The following CDYL2 variants were observed in gnomAD, a reference collection of about 807,000 sequenced individuals.
CDYL2 encodes chromodomain Y like 2.
A neutral mutation model predicts 49.4 loss-of-function variants in CDYL2; 23 were observed. The ratio of observed to expected loss-of-function variants is 0.47; its 90% CI spans 0.34 to 0.66. CDYL2 has a LOEUF of 0.66. CDYL2 is among the 30% of genes least tolerant of loss of function. CDYL2 has a pLI of 0.01. For synonymous variants in CDYL2, 360 were observed against 268.8 expected (o/e 1.34, Z -3.32); for missense variants, 678 against 656.4 (o/e 1.03, Z -0.36).
In CDYL2 at chr16:80,766,062, G is replaced by C. The variant is rs145295871; in HGVS notation, c.24+38088C>G. On this transcript the variant is annotated intron_variant, in intron 1 of 6. Transcript: ENST00000570137. The stretch of plus-strand genomic sequence containing the variant: ...AGAGACGGAAAGTAGATTAGTGGTT[G>C]CTTGGAGCTAAGGGATGAGGAGGGT... 3.9e-3 allele frequency among the ~76,000 whole-genome samples: 594 copies of C among 152,002 alleles called. 4 individuals carry two copies. Among genetic ancestry groups the C allele is most frequent in the African/African-American group, 0.014 (566 of 41,462 alleles).
chr16:80,637,738 G>C (rs574191269), intron 2 of CDYL2, among the ~76,000 whole-genome samples: 2 of 152,226 alleles, frequency 1.3e-5, no homozygotes, highest in African/African-American at 4.8e-5. Context: ...TTTCAAAGTA[G>C]CTAGAACAGA....
chr16:80,620,890 C>A lies in CDYL2; in HGVS notation c.880G>T (p.Asp294Tyr). The change falls in exon 4 of 7, where the codon GAC (aspartate) becomes TAC (tyrosine). Residue 294 changes from aspartate (D) to tyrosine (Y), a missense_variant. This residue lies in a region of CDYL2 where 478 missense variants were observed against 427.0 expected (regional missense o/e 1.12). Transcript: ENST00000570137. ...RRALCNAATDDSKLLLLSAVG... is the reference protein window; with the variant it reads ...RRALCNAATDYSKLLLLSAVG... Reference sequence around the variant, plus strand: ...GCGCTGAGGAGCAGCAGTTTGCTGTCGTCTGTGGCTGCGTTGCAGAGCGCT... The same window carrying A: ...GCGCTGAGGAGCAGCAGTTTGCTGTAGTCTGTGGCTGCGTTGCAGAGCGCT... 1.2e-6 allele frequency: 2 copies of A among 1,610,878 alleles called. No individual in the cohort carries two copies. The highest frequency in any genetic ancestry group is 1.1e-5 in the South Asian group (1 of 90,814).
At chr16:80,798,187 CAT>C (rs1209689867) in intron 1 of CDYL2, among the ~76,000 whole-genome samples, 1 of 152,084 alleles carries the variant, frequency 6.6e-6, no homozygotes, top group Admixed American at 6.5e-5. Context: ...ACTACAAACA[CAT>C]ACCATCATGC....
At chr16:80,754,836 A>G (rs1371819150) in intron 1 of CDYL2, among the ~76,000 whole-genome samples, 2 of 152,138 alleles carry the variant, frequency 1.3e-5, no homozygotes, top group African/African-American at 4.8e-5. Context: ...TGGGAAATCA[A>G]AGGGCTCCCA....
At chr16:80,801,856 AAATTT>A (rs1907936627) in intron 1 of CDYL2, among the ~76,000 whole-genome samples, 1 of 152,240 alleles carries the variant, frequency 6.6e-6, no homozygotes, top group Non-Finnish European at 1.5e-5. Context: ...ACAATAAATT[AAATTT>A]CTCAGTATAT....
chr16:80,693,831 T>TA (rs1044544743), intron 1 of CDYL2, among the ~76,000 whole-genome samples: 107 of 151,626 alleles, frequency 7.1e-4, no homozygotes, highest in African/African-American at 2.3e-3. Context: ...TACGCACTTT[T>TA]AAAAAAAAAT....
rs536784314 is a variant in CDYL2, at chr16:80,773,964, G to A, written c.24+30186C>T. Among the ~76,000 whole-genome samples, 3 of 152,208 alleles carry A rather than the reference G, an allele frequency of 2.0e-5. No homozygotes were observed. In the East Asian group the frequency reaches 5.8e-4, roughly 29 times the overall value. ...AAACAGATAGGTTTATAGAAGCAAG[G>A]AAGAGAATATTAAGAACAACCTTTA... On this transcript the variant is annotated intron_variant, in intron 1 of 6. Transcript: ENST00000570137.
Position 80,633,247 on chromosome 16 carries a change from C to G in CDYL2, c.617-11G>C. 3.1e-6 allele frequency: 5 copies of G among 1,607,774 alleles called. No individual in the cohort carries two copies. Among genetic ancestry groups the G allele is most frequent in the Non-Finnish European group, 4.3e-6 (5 of 1,174,952 alleles). The stretch of plus-strand genomic sequence containing the variant: ...TGGTCAGAGCAGAGCCTTCCAAAAC[C>G]AGATAAACAATGTAAGAAACTGAAA... On this transcript the variant is annotated splice_polypyrimidine_tract_variant and intron_variant, in intron 2 of 6. Transcript: ENST00000570137.
intron 2 of CDYL2, among the ~76,000 whole-genome samples, chr16:80,635,758 C>G (rs898261705): frequency 2.6e-4 from 40 of 152,126 alleles, no homozygotes; most frequent in Admixed American, 2.3e-3. Flanking sequence ...ATAGCCAAGG[C>G]AATCCTAAGC....
chr16:80,665,709 G>A (rs1424193461), intron 2 of CDYL2, among the ~76,000 whole-genome samples: 2 of 151,984 alleles, frequency 1.3e-5, no homozygotes, highest in South Asian at 2.1e-4. Context: ...AGCTTCCAGA[G>A]GTCCACAGTG....
intron 1 of CDYL2, among the ~76,000 whole-genome samples, chr16:80,758,774 C>G (rs1051829258): frequency 6.6e-6 from 1 of 151,772 alleles, no homozygotes; most frequent in Non-Finnish European, 1.5e-5. Flanking sequence ...AATCTCCTGA[C>G]CTCCTGATCC....
chr16:80,643,842 C>G (rs1908213963), intron 2 of CDYL2, among the ~76,000 whole-genome samples: 1 of 152,252 alleles, frequency 6.6e-6, no homozygotes, highest in East Asian at 1.9e-4. Context: ...GCCTCCAGGC[C>G]TGTGATGGGA....
Position 80,612,545 on chromosome 16 carries a change from TAGCCCCATGAAG to T in CDYL2, c.1218+69_1218+80del. The T allele has an allele frequency of 7.2e-7, 1 of 1,380,206 alleles. No individual in the cohort carries two copies. Among genetic ancestry groups the T allele is most frequent in the Non-Finnish European group, 9.9e-7 (1 of 1,012,356 alleles). 85.5% of individuals were successfully genotyped at this position (1,380,206 alleles called of 1,614,324 possible). On this transcript the variant is annotated intron_variant, in intron 5 of 6. Transcript: ENST00000570137. The surrounding 1 kb of genome is among the most constrained non-coding windows in gnomAD (Gnocchi z 5.0). The stretch of plus-strand genomic sequence containing the variant: ...CAGGCTGACAACACCCTCAGGTTTC[TAGCCCCATGAAG>T]AGCCCCTAAACCCAAGGCAGAGGAA...
At chr16:80,771,840 G>C (rs1906915662) in intron 1 of CDYL2, among the ~76,000 whole-genome samples, 1 of 152,138 alleles carries the variant, frequency 6.6e-6, no homozygotes, top group African/African-American at 2.4e-5. Context: ...CTAGACACTA[G>C]AAACCAGATT....
chr16:80,698,912 G>C (rs970232898), intron 1 of CDYL2, among the ~76,000 whole-genome samples: 1 of 152,064 alleles, frequency 6.6e-6, no homozygotes, highest in Non-Finnish European at 1.5e-5. Context: ...ATGAAAAAAT[G>C]CTCACCATCA....
intron 2 of CDYL2, among the ~76,000 whole-genome samples, chr16:80,664,072 G>T (rs1325768526): frequency 6.6e-6 from 1 of 152,028 alleles, no homozygotes; most frequent in African/African-American, 2.4e-5. Context: ...ATTCTGTAGG[G>T]TATCAAAGTA....
intron 1 of CDYL2, among the ~76,000 whole-genome samples, chr16:80,761,350 C>CT (rs1441480080): frequency 2.0e-5 from 3 of 152,214 alleles, no homozygotes; most frequent in Admixed American, 2.0e-4. Flanking sequence ...GTTTCCTCAT[C>CT]TGTGAATTTG....
intron 1 of CDYL2, among the ~76,000 whole-genome samples, chr16:80,778,285 T>C (rs1321460059): frequency 6.6e-6 from 1 of 151,986 alleles, no homozygotes; most frequent in Non-Finnish European, 1.5e-5. Context: ...TAATTTAGCA[T>C]TTCTGAAAAT....
intron 1 of CDYL2, among the ~76,000 whole-genome samples, chr16:80,711,685 G>A (rs970113556): frequency 6.6e-6 from 1 of 152,018 alleles, no homozygotes; most frequent in Non-Finnish European, 1.5e-5. Flanking sequence ...GTCTCCAATG[G>A]TTGTTCTAAG....
Sources: gnomAD v4.1 joint callset for allele counts (sites outside exome capture counted in the v4.1 genomes callset) on GRCh38, gnomAD v4.1.1 for gene constraint, gnomAD v4.1.1 regional missense constraint, Gnocchi (gnomAD v3.1) non-coding constraint, MANE v1.5 for transcripts, NCBI Gene and HGNC (gene_info 2026-07-23, HGNC 2026-07-21) for gene names.